Variants in ANKS1B observed in about 807,000 individuals in gnomAD.
ANKS1B encodes ankyrin repeat and sterile alpha motif domain containing 1B.
In ANKS1B, 36 loss-of-function variants were observed where a neutral mutation model predicts 148.3. The observed-to-expected ratio is 0.24, with a 90% CI of 0.19 to 0.32. The LOEUF (loss-of-function observed/expected upper bound fraction) is 0.32, where lower values mean the gene tolerates loss of function less well. ANKS1B is among the 10% of genes least tolerant of loss of function. ANKS1B has a pLI of 1.00. For missense variants in ANKS1B, 1,157 were observed against 1,542.6 expected, an observed-to-expected ratio of 0.75 and a Z score of 4.19; for synonymous variants, 542 against 560.8, an observed-to-expected ratio of 0.97 and a Z score of 0.47.
At chr12:99,124,438 G>A (rs867666122) in intron 15 of ANKS1B, among the ~76,000 whole-genome samples, 1 of 152,046 alleles carries the variant, frequency 6.6e-6, no homozygotes, top group African/African-American at 2.4e-5. Context: ...GTGTGTGTAT[G>A]TGTGTAAGGC....
At chr12:98,800,938 G>A in intron 21 of ANKS1B, 59 bp downstream of exon 21, 3 of 1,550,196 alleles carry the variant, frequency 1.9e-6, no homozygotes, top group African/African-American at 1.4e-5. Context: ...ATGCAAACAA[G>A]CTGAAAACAT....
chr12:99,806,812 C>T, intron 3 of ANKS1B, 112 bp from the exon 4 acceptor site: 1 of 1,064,372 alleles, frequency 9.4e-7, no homozygotes, highest in Non-Finnish European at 1.3e-6. Flanking sequence ...TAAGATTTAT[C>T]CATTTTAACA....
chr12:99,032,696 C>T (rs746006815), intron 17 of ANKS1B, among the ~76,000 whole-genome samples: 1 of 152,172 alleles, frequency 6.6e-6, no homozygotes, highest in Non-Finnish European at 1.5e-5. Flanking sequence ...CAATCTACTA[C>T]AACTCTAGAA....
intron 1 of ANKS1B, among the ~76,000 whole-genome samples, chr12:99,877,096 C>A (rs541649455): frequency 1.3e-5 from 2 of 152,286 alleles, no homozygotes; most frequent in East Asian, 3.9e-4. Flanking sequence ...CACTTCACCC[C>A]CCCACCCCAG....
Position 99,443,721 on chromosome 12 carries a change from T to C in ANKS1B, c.1527A>G (p.Pro509=). 1 of 1,612,408 alleles carries C rather than the reference T, an allele frequency of 6.2e-7. No individual in the cohort carries two copies. The highest frequency in any genetic ancestry group is 8.5e-7 in the Non-Finnish European group (1 of 1,178,926). ...TATTTTTGAGGGCAGTATCAGGGGA[T>C]GGAGGTGAACAATCAGGTGTTGGGC... is the stretch of plus-strand genomic sequence containing the variant. ...STGPTPDCSP[P]SPDTALKNIV... Residue 509 remains proline (P), a synonymous_variant, in exon 11 of 27, where the codon CCA becomes CCG. Transcript: ENST00000683438.
chr12:98,848,799 C>T (rs904217093), intron 17 of ANKS1B, among the ~76,000 whole-genome samples: 1 of 129,576 alleles, frequency 7.7e-6, no homozygotes, highest in Non-Finnish European at 1.6e-5. Flanking sequence ...AGTGCAATGG[C>T]GTGATCTTGG....
intron 15 of ANKS1B, among the ~76,000 whole-genome samples, chr12:99,148,141 T>C (rs73373846): frequency 0.029 from 4,374 of 152,196 alleles, 206 homozygotes; most frequent in African/African-American, 0.099. Context: ...AGGCTGTAAT[T>C]CAGCAGCTTT....
chr12:99,804,474 C>A (rs371960627), intron 4 of ANKS1B, among the ~76,000 whole-genome samples: 4 of 152,070 alleles, frequency 2.6e-5, no homozygotes, highest in Admixed American at 2.0e-4. Context: ...CTAAATAATG[C>A]AGGCAAAGCT....
At chr12:99,331,589 A>G (rs980400453) in intron 12 of ANKS1B, among the ~76,000 whole-genome samples, 1 of 152,040 alleles carries the variant, frequency 6.6e-6, no homozygotes, top group Non-Finnish European at 1.5e-5. Context: ...GTCTTTCAGA[A>G]TGAGATCTGT....
intron 24 of ANKS1B, among the ~76,000 whole-genome samples, chr12:98,779,875 C>A (rs1172186323): frequency 6.6e-6 from 1 of 152,194 alleles, no homozygotes; most frequent in East Asian, 1.9e-4. Flanking sequence ...CACCATTATG[C>A]TGATATTATT....
intron 9 of ANKS1B, among the ~76,000 whole-genome samples, chr12:99,522,649 A>C (rs2096886449): frequency 6.6e-6 from 1 of 152,238 alleles, no homozygotes; most frequent in Admixed American, 6.5e-5. Flanking sequence ...TAAAAAATTC[A>C]TCATGGAGCT....
chr12:99,729,116 T>C (rs933939589), intron 8 of ANKS1B, among the ~76,000 whole-genome samples: 3 of 152,240 alleles, frequency 2.0e-5, no homozygotes, highest in South Asian at 2.1e-4. Context: ...GTTCTGTGTA[T>C]TACAATATGA....
In ANKS1B at chr12:98,751,578, C is replaced by T. The variant is rs577028505; in HGVS notation, c.3580-56G>A. On this transcript the variant is annotated intron_variant, in intron 25 of 26. Transcript: ENST00000683438. This position sits in a 1 kb window ranked among gnomAD's most constrained non-coding sequence, Gnocchi z 4.3. ...TGGCACACTGCAAATTAGAATGGGT[C>T]GAATGGCTGAGGAACACTGAGGGAG... 9.0e-6 allele frequency: 14 copies of T among 1,560,888 alleles called. No individual in the cohort carries two copies. The East Asian group carries it at 9.0e-5, about 10-fold the overall frequency.
intron 12 of ANKS1B, among the ~76,000 whole-genome samples, chr12:99,267,157 G>A (rs996741089): frequency 6.6e-6 from 1 of 152,106 alleles, no homozygotes; most frequent in African/African-American, 2.4e-5. Context: ...TCACTATAAA[G>A]GACAAGGGTC....
At chr12:98,874,200 A>T (rs542600803) in intron 17 of ANKS1B, among the ~76,000 whole-genome samples, 1 of 152,204 alleles carries the variant, frequency 6.6e-6, no homozygotes, top group South Asian at 2.1e-4. Flanking sequence ...TGACCCTGAA[A>T]ATTGTAACTT....
chr12:99,324,911 T>C (rs2086017251), intron 12 of ANKS1B, among the ~76,000 whole-genome samples: 1 of 152,158 alleles, frequency 6.6e-6, no homozygotes, highest in Non-Finnish European at 1.5e-5. Context: ...TGAATGTTGG[T>C]CATTCACCTT....
At chr12:99,831,514 G>A (rs1170176027) in intron 1 of ANKS1B, among the ~76,000 whole-genome samples, 9 of 152,200 alleles carry the variant, frequency 5.9e-5, no homozygotes, top group Non-Finnish European at 1.3e-4. Context: ...ATCACAGAGT[G>A]AGGGTAGTAA....
At chr12:99,645,265 G>A (rs188596877) in intron 9 of ANKS1B, among the ~76,000 whole-genome samples, 2 of 152,090 alleles carry the variant, frequency 1.3e-5, no homozygotes, top group African/African-American at 4.8e-5. Context: ...CATTTCAAAC[G>A]TTGGTTCTTT....
chr12:99,809,012 A>C (rs2067992700), intron 3 of ANKS1B, among the ~76,000 whole-genome samples: 1 of 152,156 alleles, frequency 6.6e-6, no homozygotes, highest in South Asian at 2.1e-4. Context: ...AGTGGACGCC[A>C]CAACGGTGGT....
Sources: allele counts gnomAD v4.1 joint callset (sites outside exome capture counted in the v4.1 genomes callset), GRCh38; gene constraint gnomAD v4.1.1; non-coding constraint Gnocchi (gnomAD v3.1); transcripts MANE v1.5; gene names NCBI Gene and HGNC (gene_info 2026-07-23, HGNC 2026-07-21).